PDE1C: variants seen among roughly 807,000 people sequenced by gnomAD.
The protein encoded by PDE1C is phosphodiesterase 1C, also known as dual specificity calcium/calmodulin-dependent 3',5'-cyclic nucleotide phosphodiesterase 1C.
PDE1C carries 62 observed loss-of-function variants against 93.1 expected under a neutral mutation model. The ratio of observed to expected loss-of-function variants is 0.67; its 90% CI spans 0.54 to 0.82. The LOEUF (loss-of-function observed/expected upper bound fraction) is 0.82, where lower values mean the gene tolerates loss of function less well. PDE1C is among the 40% of genes least tolerant of loss of function. PDE1C has a pLI of 0.00. For missense variants in PDE1C, 742 were observed against 884.6 expected, an observed-to-expected ratio of 0.84 and a Z score of 2.04; for synonymous variants, 325 against 310.1, an observed-to-expected ratio of 1.05 and a Z score of -0.50.
chr7:31,671,858 G>A, the PDE1C span, among the ~76,000 whole-genome samples: 3 of 152,144 alleles, frequency 2.0e-5, no homozygotes, highest in East Asian at 1.9e-4. Flanking sequence ...AGGGCACAAA[G>A]CCCACAATAA....
chr7:32,040,982 T>G (rs1323223985), intron 2 of PDE1C, among the ~76,000 whole-genome samples: 1 of 152,118 alleles, frequency 6.6e-6, no homozygotes. Context: ...ACCTGTCTGC[T>G]TCCTACCTGT....
chr7:32,120,116 T>G (rs921032695), intron 3 of PDE1C, among the ~76,000 whole-genome samples: 3 of 152,154 alleles, frequency 2.0e-5, no homozygotes, highest in African/African-American at 7.2e-5. Flanking sequence ...ACACCAGCTG[T>G]GTTAGACGGC....
At chr7:31,703,442 G>A in the PDE1C span, among the ~76,000 whole-genome samples, 1 of 152,210 alleles carries the variant, frequency 6.6e-6, no homozygotes, top group Non-Finnish European at 1.5e-5. Flanking sequence ...AAGAGTTGGG[G>A]TGGGAAGGGG....
At chr7:31,621,751 TA>T in the PDE1C span, among the ~76,000 whole-genome samples, 1 of 144,704 alleles carries the variant, frequency 6.9e-6, no homozygotes, top group Non-Finnish European at 1.5e-5. Flanking sequence ...AATTCACACA[TA>T]ACAATATTAA....
In PDE1C at chr7:32,308,189, C is replaced by T. The variant is rs184834457; in HGVS notation, c.311-98650G>A. Among the ~76,000 whole-genome samples, 485 of 152,342 alleles carry T rather than the reference C, an allele frequency of 3.2e-3. 10 individuals carry two copies. In the East Asian group the frequency reaches 0.054, roughly 17 times the overall value. On this transcript the variant is annotated intron_variant, in intron 1 of 1. Transcript: ENST00000672256. ...GGTGGCAGCAAGGCTGGGGGAGGGG[C>T]GCCTGCCATTGCCCAGGCTTGATTA...
the PDE1C span, among the ~76,000 whole-genome samples, chr7:31,660,513 C>T: frequency 1.2e-5 from 1 of 85,674 alleles, no homozygotes; most frequent in East Asian, 6.1e-4. Context: ...TGTTCCTCTC[C>T]CATTTTTTTT....
chr7:32,227,069 C>T lies in PDE1C; in HGVS notation c.86-17530G>A, dbSNP rs190824027. On this transcript the variant is annotated intron_variant, in intron 1 of 18. Transcript: ENST00000396193. Reference sequence around the variant, plus strand: ...CTTCTGAGGAAAGGAGGTCTCTGCCCGCAGCCAACCTTGCAGTCGCACTGC... The same window carrying T: ...CTTCTGAGGAAAGGAGGTCTCTGCCTGCAGCCAACCTTGCAGTCGCACTGC... Among the ~76,000 whole-genome samples, 5 of 152,294 alleles carry T rather than the reference C, an allele frequency of 3.3e-5. No individual in the cohort carries two copies. In the South Asian group the frequency reaches 8.3e-4, roughly 25 times the overall value.
At chr7:32,147,756 C>T (rs1800985720) in intron 3 of PDE1C, among the ~76,000 whole-genome samples, 2 of 152,038 alleles carry the variant, frequency 1.3e-5, no homozygotes, top group Middle Eastern at 6.8e-3. Flanking sequence ...TTCTCCATCG[C>T]CCCCTGAGGG....
At chr7:31,654,712 A>C in the PDE1C span, among the ~76,000 whole-genome samples, 3 of 152,194 alleles carry the variant, frequency 2.0e-5, no homozygotes, top group African/African-American at 7.2e-5. Context: ...TGGGGAATAG[A>C]TGCAGAATGG....
At chr7:31,880,160 C>T (rs897909598) in intron 3 of PDE1C, among the ~76,000 whole-genome samples, 1 of 152,110 alleles carries the variant, frequency 6.6e-6, no homozygotes, top group East Asian at 1.9e-4. Context: ...CCACACCTTT[C>T]GTATTCAACA....
the PDE1C span, among the ~76,000 whole-genome samples, chr7:31,648,258 A>G: frequency 6.6e-6 from 1 of 152,162 alleles, no homozygotes; most frequent in African/African-American, 2.4e-5. Context: ...AGTTTGTTTC[A>G]ATGGGTTTGG....
the PDE1C span, chr7:31,708,023 C>G: frequency 1.3e-5 from 2 of 152,188 alleles, no homozygotes; most frequent in Non-Finnish European, 2.9e-5. Context: ...ACAAGTGAGT[C>G]ATTATCAATG....
intron 1 of PDE1C, among the ~76,000 whole-genome samples, chr7:32,069,632 A>G (rs1584691859): frequency 6.6e-6 from 1 of 152,166 alleles, no homozygotes; most frequent in Admixed American, 6.5e-5. Context: ...GAACCCAATG[A>G]AGTGAATGAA....
intron 1 of PDE1C, among the ~76,000 whole-genome samples, chr7:32,221,496 C>T (rs1806859678): frequency 6.6e-6 from 1 of 152,162 alleles, no homozygotes; most frequent in African/African-American, 2.4e-5. Context: ...TCTTGTTAAA[C>T]TGCAGATTCA....
At chr7:32,288,904 C>T (rs1156756693) in intron 1 of PDE1C, among the ~76,000 whole-genome samples, 1 of 152,020 alleles carries the variant, frequency 6.6e-6, no homozygotes, top group East Asian at 1.9e-4. Flanking sequence ...GATGACTAGG[C>T]AAACATCTAA....
At chr7:32,328,958 C>T (rs940553854) in intron 1 of PDE1C, among the ~76,000 whole-genome samples, 7 of 152,124 alleles carry the variant, frequency 4.6e-5, no homozygotes, top group African/African-American at 1.7e-4. Context: ...GCTGGCCAGG[C>T]GTGACAGCTC....
intron 2 of PDE1C, among the ~76,000 whole-genome samples, chr7:32,029,210 A>C (rs1315593402): frequency 6.6e-6 from 1 of 150,652 alleles, no homozygotes; most frequent in African/African-American, 2.4e-5. Context: ...TCAGATGGAG[A>C]AAAAAGGAAA....
chr7:32,194,558 C>T lies in PDE1C; in HGVS notation c.136+14931G>A, dbSNP rs554626792. On this transcript the variant is annotated intron_variant, in intron 2 of 18. Coordinates refer to the PDE1C transcript ENST00000396193. ...TATTATTATATAATGTTTCTCTCTG[C>T]CTCTGCATTTTCTTCATTCTGAAGC... Among the ~76,000 whole-genome samples, 122 of 152,234 alleles carry T rather than the reference C, an allele frequency of 8.0e-4. 1 individual carries two copies. The highest frequency in any genetic ancestry group is 1.3e-3 in the Non-Finnish European group (91 of 68,016).
intron 1 of PDE1C, among the ~76,000 whole-genome samples, chr7:32,261,503 A>C (rs1276750218): frequency 2.0e-5 from 3 of 152,206 alleles, no homozygotes; most frequent in Admixed American, 2.0e-4. Context: ...TCGCACAGCC[A>C]GCTCTGCGTG....
Sources: allele counts gnomAD v4.1 joint callset (sites outside exome capture counted in the v4.1 genomes callset), GRCh38; gene constraint gnomAD v4.1.1; transcripts MANE v1.5; gene names NCBI Gene and HGNC (gene_info 2026-07-23, HGNC 2026-07-21).